Variants in SLC39A9 observed in about 807,000 individuals in gnomAD.
SLC39A9 encodes the protein zinc transporter ZIP9.
A neutral mutation model predicts 28.4 loss-of-function variants in SLC39A9; 14 were observed. The observed-to-expected ratio is 0.49, with a 90% CI of 0.33 to 0.77. The LOEUF (loss-of-function observed/expected upper bound fraction) is 0.77, where lower values mean the gene tolerates loss of function less well. SLC39A9 is among the 30% of genes least tolerant of loss of function. SLC39A9 has a pLI of 0.02. For synonymous variants in SLC39A9, 119 were observed against 149.6 expected, an observed-to-expected ratio of 0.80 and a Z score of 1.49; for missense variants, 283 against 381.1, an observed-to-expected ratio of 0.74 and a Z score of 2.14.
chr14:69,448,677 C>T (rs181032391), intron 3 of SLC39A9, among the ~76,000 whole-genome samples: 1 of 152,198 alleles, frequency 6.6e-6, no homozygotes, highest in Non-Finnish European at 1.5e-5. Flanking sequence ...TAGACTGGAT[C>T]CTTCCTGGAA....
rs1188499680 is a variant in SLC39A9, at chr14:69,437,145, G to A, written c.206-4924G>A. 6.6e-5 allele frequency among the ~76,000 whole-genome samples: 10 copies of A among 152,202 alleles called. No homozygotes were observed. In the East Asian group the frequency reaches 1.9e-3, roughly 29 times the overall value. The stretch of plus-strand genomic sequence containing the variant: ...GCCTCCCAAAGTGCTGGGATTACAA[G>A]CGTGAGCCACCGCGCCCGGCCTGGG... On this transcript the variant is annotated intron_variant, in intron 2 of 6. Coordinates refer to ENST00000336643, the MANE Select transcript of SLC39A9 (RefSeq NM_018375.5).
intron 2 of SLC39A9, among the ~76,000 whole-genome samples, chr14:69,427,129 A>G (rs182204035): frequency 9.9e-5 from 15 of 151,684 alleles, no homozygotes; most frequent in African/African-American, 3.6e-4. Context: ...CAGCCTCCCA[A>G]GTAGCTGGGA....
At chr14:69,430,339 T>TC (rs1566916237) in intron 2 of SLC39A9, among the ~76,000 whole-genome samples, 1 of 152,240 alleles carries the variant, frequency 6.6e-6, no homozygotes, top group Non-Finnish European at 1.5e-5. Context: ...CTACATTTAA[T>TC]CCTATGATCT....
intron 1 of SLC39A9, among the ~76,000 whole-genome samples, chr14:69,410,600 G>C (rs1316704111): frequency 6.6e-6 from 1 of 152,184 alleles, no homozygotes; most frequent in Non-Finnish European, 1.5e-5. Context: ...AACCAAATTA[G>C]ATCTGAGTTT....
In SLC39A9 at chr14:69,400,186, CTG is replaced by C. The variant is rs367698578; in HGVS notation, c.96+723_96+724del. On this transcript the variant is annotated intron_variant, in intron 1 of 6. Transcript: ENST00000336643. ...GAAAGCTGTTTTGTTTTTTGGATGT[CTG>C]TACTAGAATGAATGTAAGAAAAAAC... Among the ~76,000 whole-genome samples, 176 of 152,266 alleles carry C rather than the reference CTG, an allele frequency of 1.2e-3. 2 individuals are homozygous for C. The highest frequency in any genetic ancestry group is 3.8e-3 in the African/African-American group (159 of 41,558).
Position 69,461,755 on chromosome 14 carries a change from T to A in SLC39A9, c.*3162T>A. ...TGTATTAAGCCCCTGAAACACATGG[T>A]AGCTAGGGACTGAACACAGGAACCG... On this transcript the variant is annotated 3_prime_UTR_variant, in exon 7 of 7. Coordinates refer to ENST00000336643, the MANE Select transcript of SLC39A9 (RefSeq NM_018375.5). 6.5e-7 allele frequency: 1 copy of A among 1,534,978 alleles called. No individual in the cohort carries two copies. Among genetic ancestry groups the A allele is most frequent in the Non-Finnish European group, 8.7e-7 (1 of 1,146,274 alleles).
At chr14:69,452,050 C>T (rs1885637211) in intron 3 of SLC39A9, among the ~76,000 whole-genome samples, 1 of 151,988 alleles carries the variant, frequency 6.6e-6, no homozygotes, top group Non-Finnish European at 1.5e-5. Context: ...GGAAGTGGTT[C>T]TGTAGTTAGA....
In SLC39A9 at chr14:69,417,617, C is replaced by T. The variant is rs545149572; in HGVS notation, c.97-6477C>T. On this transcript the variant is annotated intron_variant, in intron 1 of 6. Coordinates refer to ENST00000336643, the MANE Select transcript of SLC39A9 (RefSeq NM_018375.5). ...TTCCTATCCATGAGCATGGGATGTT[C>T]TTCCATTTGTTTGTGTTCTCTTTTA... Among the ~76,000 whole-genome samples the T allele has an allele frequency of 6.8e-4, 104 of 152,184 alleles. 1 individual carries two copies. Among genetic ancestry groups the T allele is most frequent in the Non-Finnish European group, 1.3e-3 (86 of 68,006 alleles).
At chr14:69,406,039 C>T (rs1220586974) in intron 1 of SLC39A9, among the ~76,000 whole-genome samples, 1 of 152,192 alleles carries the variant, frequency 6.6e-6, no homozygotes, top group Non-Finnish European at 1.5e-5. Context: ...AAATCAGTCA[C>T]TTGACTACTA....
intron 2 of SLC39A9, chr14:69,441,837 G>A (rs1034515975): frequency 1.6e-6 from 2 of 1,254,394 alleles, no homozygotes; most frequent in Non-Finnish European, 2.0e-6. Flanking sequence ...CCCAGGTGTT[G>A]AGAATAATAG....
At position 69,459,531 on chromosome 14, in the gene SLC39A9, A is replaced by G; in HGVS notation, c.*938A>G. On this transcript the variant is annotated 3_prime_UTR_variant, in exon 7 of 7. Transcript: ENST00000336643. ...AGTAGCTTTTTTTAAAAGACTACCA[A>G]AATGTATGGTTGTCCTTTTTTTTTG... 1 of 979,850 alleles carries G rather than the reference A, an allele frequency of 1.0e-6. No individual in the cohort carries two copies. Among genetic ancestry groups the G allele is most frequent in the Non-Finnish European group, 1.2e-6 (1 of 825,602 alleles). The allele number at this position is 979,850 out of a possible 1,614,324, so 60.7% of individuals were successfully genotyped here. A position where few individuals can be genotyped will look rare whatever the true frequency, so the allele number is the denominator to read the frequency against.
chr14:69,423,139 T>A (rs946818816), intron 1 of SLC39A9, among the ~76,000 whole-genome samples: 17 of 152,224 alleles, frequency 1.1e-4, no homozygotes, highest in Non-Finnish European at 2.2e-4. Context: ...AAGTAAAAAA[T>A]TGTTAATGTT....
chr14:69,419,585 A>G (rs1029092121), intron 1 of SLC39A9, among the ~76,000 whole-genome samples: 1 of 152,100 alleles, frequency 6.6e-6, no homozygotes, highest in Non-Finnish European at 1.5e-5. Flanking sequence ...TGATCTGTCT[A>G]ATATTGACAG....
chr14:69,459,369 C>T lies in SLC39A9; in HGVS notation c.*776C>T. On this transcript the variant is annotated 3_prime_UTR_variant, in exon 7 of 7. Transcript: ENST00000336643. ...CTCCTTTGCAGAATACCTGTCTCCACATTCCTAGAGAGGAGCCAAGTTCTA... is the reference window on the plus strand; with the variant it reads ...CTCCTTTGCAGAATACCTGTCTCCATATTCCTAGAGAGGAGCCAAGTTCTA... The T allele has an allele frequency of 1.0e-6, 1 of 985,382 alleles. No individual in the cohort carries two copies. Among genetic ancestry groups the T allele is most frequent in the Non-Finnish European group, 1.2e-6 (1 of 829,916 alleles). 61.0% of individuals were successfully genotyped at this position (985,382 alleles called of 1,614,324 possible). A position where few individuals can be genotyped will look rare whatever the true frequency, so the allele number is the denominator to read the frequency against.
intron 1 of SLC39A9, among the ~76,000 whole-genome samples, chr14:69,423,166 A>T (rs1002626415): frequency 6.6e-6 from 1 of 152,176 alleles, no homozygotes; most frequent in Non-Finnish European, 1.5e-5. Context: ...AACTTGTTCT[A>T]CTTATAAATA....
At chr14:69,423,590 C>G (rs1884015709) in intron 1 of SLC39A9, among the ~76,000 whole-genome samples, 1 of 152,118 alleles carries the variant, frequency 6.6e-6, no homozygotes, top group Non-Finnish European at 1.5e-5. Context: ...TCATTGTTAA[C>G]CTGGTCATTT....
chr14:69,453,299 C>G lies in SLC39A9; in HGVS notation c.462C>G (p.Val154=). 1 of 1,613,856 alleles carries G rather than the reference C, an allele frequency of 6.2e-7. No homozygotes were observed. Residue 154 remains valine (V), a synonymous_variant, in exon 4 of 7, where the codon GTC becomes GTG. Coordinates refer to ENST00000336643, the MANE Select transcript of SLC39A9 (RefSeq NM_018375.5). ...TCACCACCACGCTGGGTCTGGTTGT[C>G]CATGCTGCAGGTAGGGTTGGATTGC... is the stretch of plus-strand genomic sequence containing the variant. ...SKITTTLGLV[V]HAAADGVALG...
At chr14:69,446,873 CAAAA>C (rs35612117) in intron 3 of SLC39A9, among the ~76,000 whole-genome samples, 1 of 89,816 alleles carries the variant, frequency 1.1e-5, no homozygotes, top group East Asian at 3.4e-4. Context: ...AACTCTGTCT[CAAAA>C]AAAAAAAAAA....
At chr14:69,447,728 A>G (rs1351744103) in intron 3 of SLC39A9, among the ~76,000 whole-genome samples, 1 of 152,002 alleles carries the variant, frequency 6.6e-6, no homozygotes, top group Non-Finnish European at 1.5e-5. Flanking sequence ...CCTGGGCAAC[A>G]TGTCAAAACC....
Sources: gnomAD v4.1 joint callset for allele counts (sites outside exome capture counted in the v4.1 genomes callset) on GRCh38, gnomAD v4.1.1 for gene constraint, MANE v1.5 for transcripts, NCBI Gene and HGNC (gene_info 2026-07-23, HGNC 2026-07-21) for gene names.